CSMD1: variants seen among roughly 807,000 people sequenced by gnomAD.
CSMD1 encodes the protein CUB and Sushi multiple domains 1.
Under a neutral mutation model 417.5 loss-of-function variants are expected in CSMD1, and 213 were observed. That is an observed-to-expected ratio of 0.51 (90% CI 0.46 to 0.57). The LOEUF (loss-of-function observed/expected upper bound fraction) is 0.57. CSMD1 is among the 20% of genes least tolerant of loss of function. The probability of loss-of-function intolerance (pLI) is 0.00; values close to 1 mark genes in which losing one functional copy is unlikely to be tolerated. For missense variants in CSMD1, 6,923 were observed against 4,529.7 expected (o/e 1.53, Z -15.17); for synonymous variants, 2,862 against 1,736.8 (o/e 1.65, Z -16.11).
In CSMD1 at chr8:3,284,284, G is replaced by A. The variant is rs557716308; in HGVS notation, c.4013C>T (p.Pro1338Leu). The A allele has an allele frequency of 1.1e-5, 18 of 1,613,918 alleles. No individual in the cohort carries two copies. The highest frequency in any genetic ancestry group is 1.7e-4 in the Middle Eastern group (1 of 6,058). Residue 1338 changes from proline to leucine, a missense_variant, in exon 26 of 70, where the codon CCG becomes CTG. Physicochemically the swap from Pro to Leu is moderately conservative, Grantham distance 98. Coordinates refer to ENST00000635120, the MANE Select transcript of CSMD1 (RefSeq NM_033225.6). ...CTTCAGCAGGATGTCACTGTCCACC[G>A]GCCCGTCCCAGACCTTGAGGATGTC... ...AHDILKVWDGPVDSDILLKEW... is the reference protein window; with the variant it reads ...AHDILKVWDGLVDSDILLKEW...
chr8:2,965,675 C>T (rs1245123391), intron 59 of CSMD1, 100 bp downstream of exon 59: 2 of 976,302 alleles, frequency 2.0e-6, no homozygotes, highest in East Asian at 2.6e-5. Flanking sequence ...AATTCCTAGC[C>T]CCTAGAAGGG....
intron 2 of CSMD1, among the ~76,000 whole-genome samples, chr8:4,472,244 C>G (rs932553072): frequency 6.6e-6 from 1 of 152,040 alleles, no homozygotes; most frequent in Admixed American, 6.5e-5. Context: ...ATAGTTCTTA[C>G]ACTTTTGCAC....
chr8:3,537,425 C>T (rs540741035), intron 10 of CSMD1, among the ~76,000 whole-genome samples: 1 of 152,262 alleles, frequency 6.6e-6, no homozygotes, highest in East Asian at 1.9e-4. Flanking sequence ...ACACCTGTTG[C>T]ATTCCAAAAA....
intron 5 of CSMD1, among the ~76,000 whole-genome samples, chr8:3,944,511 G>C (rs1430501889): frequency 6.6e-6 from 1 of 151,896 alleles, no homozygotes; most frequent in Non-Finnish European, 1.5e-5. Context: ...CTTTAGATTA[G>C]GCAGAGTTTG....
At chr8:4,141,821 T>C (rs1415894864) in intron 3 of CSMD1, among the ~76,000 whole-genome samples, 1 of 151,226 alleles carries the variant, frequency 6.6e-6, no homozygotes, top group Admixed American at 6.6e-5. Context: ...TAACTGAACA[T>C]ATAATTCATC....
At chr8:4,840,396 C>T (rs1011195973) in intron 1 of CSMD1, among the ~76,000 whole-genome samples, 3 of 152,188 alleles carry the variant, frequency 2.0e-5, no homozygotes, top group African/African-American at 7.2e-5. Flanking sequence ...TAATGTTGAA[C>T]ATATGTCGAA....
At chr8:4,487,457 T>C (rs1252136891) in intron 2 of CSMD1, among the ~76,000 whole-genome samples, 1 of 152,176 alleles carries the variant, frequency 6.6e-6, no homozygotes, top group African/African-American at 2.4e-5. Context: ...AGAATGCTGA[T>C]TTCCAATTTC....
intron 3 of CSMD1, among the ~76,000 whole-genome samples, chr8:4,114,710 A>G (rs1326924796): frequency 6.6e-6 from 1 of 152,324 alleles, no homozygotes. Context: ...TTCAAAATGA[A>G]TAGGAGTTTA....
intron 4 of CSMD1, among the ~76,000 whole-genome samples, chr8:4,027,326 T>C (rs138754869): frequency 6.6e-6 from 1 of 152,260 alleles, no homozygotes; most frequent in Non-Finnish European, 1.5e-5. Flanking sequence ...GATGGTATGC[T>C]TTGGCTGTGT....
In CSMD1 at chr8:3,399,503, A is replaced by T; in HGVS notation, c.2293T>A (p.Ser765Thr). The change falls in exon 16 of 70, where the codon TCC becomes ACC. Residue 765 changes from serine (S) to threonine (T), a missense_variant. By Grantham distance (58) the Ser-to-Thr change is moderately conservative (BLOSUM62 1). Transcript: ENST00000635120. Reference protein sequence around the residue: ...EAPCGGHLTASSGVILPPGWP... With the variant: ...EAPCGGHLTATSGVILPPGWP... ...CCAGGAGGCAAAATGACTCCGCTGG[A>T]CGCTGTCAGATGTCCACCACATGGA... 1 of 1,603,664 alleles carries T rather than the reference A, an allele frequency of 6.2e-7. No homozygotes were observed. Among genetic ancestry groups the T allele is most frequent in the South Asian group, 1.1e-5 (1 of 88,110 alleles).
intron 10 of CSMD1, among the ~76,000 whole-genome samples, chr8:3,509,335 T>G (rs1796966038): frequency 6.6e-6 from 1 of 152,234 alleles, no homozygotes; most frequent in African/African-American, 2.4e-5. Context: ...TCATTTTACG[T>G]TCACTGTTTC....
chr8:4,506,503 G>A (rs915243004), intron 2 of CSMD1, among the ~76,000 whole-genome samples: 3 of 152,106 alleles, frequency 2.0e-5, no homozygotes, highest in Admixed American at 6.5e-5. Flanking sequence ...AAACAATGGC[G>A]GATGGCAGGA....
At chr8:3,575,179 A>G (rs1800099494) in intron 9 of CSMD1, 113 bp from the exon 10 acceptor site, 1 of 1,160,340 alleles carries the variant, frequency 8.6e-7, no homozygotes, top group East Asian at 2.6e-5. Flanking sequence ...GTAAAAAAAA[A>G]AAAAAAAATG....
chr8:3,395,978 G>A (rs1032806429), intron 17 of CSMD1, among the ~76,000 whole-genome samples: 4 of 152,062 alleles, frequency 2.6e-5, no homozygotes, highest in Non-Finnish European at 4.4e-5. Context: ...TGTCATACGC[G>A]ATGGATACGT....
intron 2 of CSMD1, among the ~76,000 whole-genome samples, chr8:4,611,581 C>G (rs1191822283): frequency 1.3e-5 from 2 of 152,194 alleles, no homozygotes; most frequent in Admixed American, 1.3e-4. Context: ...TACACTTCCC[C>G]TCACCTCACC....
chr8:4,443,628 T>G (rs770627842), intron 2 of CSMD1, among the ~76,000 whole-genome samples: 1 of 152,234 alleles, frequency 6.6e-6, no homozygotes, highest in Non-Finnish European at 1.5e-5. Flanking sequence ...AAGAATGTAC[T>G]GGAACAGCCA....
intron 7 of CSMD1, among the ~76,000 whole-genome samples, chr8:3,646,389 G>C (rs1797572831): frequency 6.6e-6 from 1 of 151,982 alleles, no homozygotes. Context: ...GCATTGCTTT[G>C]TAATAAGAAA....
intron 18 of CSMD1, among the ~76,000 whole-genome samples, chr8:3,379,429 C>T (rs1362282086): frequency 6.6e-6 from 1 of 152,088 alleles, no homozygotes; most frequent in East Asian, 1.9e-4. Context: ...AAAAAGAGCC[C>T]ATATAGCCAA....
At chr8:4,320,837 C>A (rs371884842) in intron 3 of CSMD1, among the ~76,000 whole-genome samples, 4 of 152,114 alleles carry the variant, frequency 2.6e-5, no homozygotes, top group Non-Finnish European at 4.4e-5. Context: ...ATTACTATAA[C>A]CCAAAGGATT....
Sources: gnomAD v4.1 joint callset for allele counts (sites outside exome capture counted in the v4.1 genomes callset) on GRCh38, gnomAD v4.1.1 for gene constraint, MANE v1.5 for transcripts, NCBI Gene and HGNC (gene_info 2026-07-23, HGNC 2026-07-21) for gene names.